Variants in ADRA1D observed in about 807,000 individuals in gnomAD.
The protein encoded by ADRA1D is alpha-1D adrenergic receptor.
Under a neutral mutation model 18.6 loss-of-function variants are expected in ADRA1D, and 22 were observed. The observed-to-expected ratio is 1.19, with a 90% CI of 0.85 to 1.69. The LOEUF is 1.69. Among genes scored for constraint, ADRA1D ranks in the 40% most tolerant of loss-of-function variants. The probability of loss-of-function intolerance (pLI) is 0.00; values close to 1 mark genes in which losing one functional copy is unlikely to be tolerated. For missense variants in ADRA1D, 840 were observed against 840.7 expected, an observed-to-expected ratio of 1.00 and a Z score of 0.01; for synonymous variants, 376 against 388.2, an observed-to-expected ratio of 0.97 and a Z score of 0.37.
chr20:4,223,121 T>C (rs961839374), intron 1 of ADRA1D, among the ~76,000 whole-genome samples: 2 of 151,330 alleles, frequency 1.3e-5, no homozygotes, highest in African/African-American at 2.4e-5. Context: ...ACCCACAGAG[T>C]CAATTTATTT....
In ADRA1D at chr20:4,239,123, G is replaced by C. The variant is rs543433210; in HGVS notation, c.1111+8724C>G. On this transcript the variant is annotated intron_variant, in intron 1 of 1. Coordinates refer to ENST00000379453, the MANE Select transcript of ADRA1D (RefSeq NM_000678.4). The surrounding 1 kb of genome is among the most constrained non-coding windows in gnomAD (Gnocchi z 4.9). Reference sequence around the variant, plus strand: ...CCAGGGCATAGGCCTTGGAGGAGGGGAGGAGGGGAAGGTCATTGTAGTCTC... The same window carrying C: ...CCAGGGCATAGGCCTTGGAGGAGGGCAGGAGGGGAAGGTCATTGTAGTCTC... Among the ~76,000 whole-genome samples, 18 of 152,136 alleles carry C rather than the reference G, an allele frequency of 1.2e-4. No individual in the cohort carries two copies. Among genetic ancestry groups the C allele is most frequent in the Non-Finnish European group, 2.1e-4 (14 of 68,026 alleles).
At chr20:4,246,157 G>A (rs1222000037) in intron 1 of ADRA1D, among the ~76,000 whole-genome samples, 1 of 152,146 alleles carries the variant, frequency 6.6e-6, no homozygotes, top group East Asian at 1.9e-4. Context: ...GCTCTCTTTT[G>A]CTCCCCACAT....
rs755317160 is a variant in ADRA1D, at chr20:4,222,175, G to A, written c.1112-45C>T. On this transcript the variant is annotated intron_variant, in intron 1 of 1. Coordinates refer to ENST00000379453, the MANE Select transcript of ADRA1D (RefSeq NM_000678.4). The surrounding 1 kb of genome is among the most constrained non-coding windows in gnomAD (Gnocchi z 4.3). ...ATACTATTTAGCTGCTTGGGGAGGG[G>A]GAGGCCAGGCGGCTCTGGGCGCAAA... 5 of 1,587,010 alleles carry A rather than the reference G, an allele frequency of 3.2e-6. No individual in the cohort carries two copies. The Admixed American group carries it at 6.9e-5, about 22-fold the overall frequency.
chr20:4,241,140 G>A (rs940026544), intron 1 of ADRA1D, among the ~76,000 whole-genome samples: 6 of 152,238 alleles, frequency 3.9e-5, no homozygotes, highest in African/African-American at 1.4e-4. Flanking sequence ...AGCGAAATAA[G>A]CCAGTCACAG....
At chr20:4,235,651 T>A (rs1257890296) in intron 1 of ADRA1D, among the ~76,000 whole-genome samples, 1 of 152,248 alleles carries the variant, frequency 6.6e-6, no homozygotes, top group Non-Finnish European at 1.5e-5. Context: ...GCAGCACTAA[T>A]ACCCGGGGAG....
In ADRA1D at chr20:4,241,930, CGT is replaced by C. The variant is rs1209858626; in HGVS notation, c.1111+5915_1111+5916del. ...CATGTAGACAGTCAAATTTAGAAAG[CGT>C]GTGTATCTGAAGCACACAGCACAGC... On this transcript the variant is annotated intron_variant, in intron 1 of 1. Coordinates refer to ENST00000379453, the MANE Select transcript of ADRA1D (RefSeq NM_000678.4). Among the ~76,000 whole-genome samples the C allele has an allele frequency of 4.1e-5, 6 of 145,824 alleles. No homozygotes were observed. The East Asian group carries it at 9.9e-4, about 24-fold the overall frequency.
intron 1 of ADRA1D, among the ~76,000 whole-genome samples, chr20:4,231,064 T>TTCTTTCTTTCTTTCTTTCTTTCTTTC (rs1491147056): frequency 2.0e-5 from 2 of 98,016 alleles, no homozygotes; most frequent in East Asian, 3.2e-4. Context: ...CTTTCTTTCT[T>TTCTTTCTTTCTTTCTTTCTTTCTTTC]TCTCTCTCTC....
At chr20:4,243,618 A>C (rs1981268499) in intron 1 of ADRA1D, among the ~76,000 whole-genome samples, 1 of 152,084 alleles carries the variant, frequency 6.6e-6, no homozygotes, top group African/African-American at 2.4e-5. Context: ...CTGGGTCACT[A>C]TGCACGGAGC....
At chr20:4,230,163 C>T (rs374838325) in intron 1 of ADRA1D, among the ~76,000 whole-genome samples, 5 of 152,344 alleles carry the variant, frequency 3.3e-5, no homozygotes, top group South Asian at 2.1e-4. Flanking sequence ...CCTGTGCTCC[C>T]TGTCTGGCTC....
At position 4,221,340 on chromosome 20, in the gene ADRA1D, C is replaced by CT. The variant is rs1312135181; in HGVS notation, c.*182dup. On this transcript the variant is annotated 3_prime_UTR_variant, in exon 2 of 2. Coordinates refer to ENST00000379453, the MANE Select transcript of ADRA1D (RefSeq NM_000678.4). ...CTGAGTCCAGCAGGGGGCCCCACTA[C>CT]TTTTCACCTTTCAAGGGCTCCAGCC... 6 of 658,206 alleles carry CT rather than the reference C, an allele frequency of 9.1e-6. No homozygotes were observed. The South Asian group carries it at 1.7e-4, about 19-fold the overall frequency. 40.8% of individuals were successfully genotyped at this position (658,206 alleles called of 1,614,324 possible).
Position 4,221,146 on chromosome 20 carries a change from G to A in ADRA1D, c.*377C>T, listed in dbSNP as rs144316429. On this transcript the variant is annotated 3_prime_UTR_variant, in exon 2 of 2. Coordinates refer to ENST00000379453, the MANE Select transcript of ADRA1D (RefSeq NM_000678.4). ...ACTGGGGTAGCCGGCCAAAGCTTCTGTGCCTATTTCCCAGAAGAGGAGGGG... is the reference window on the plus strand; with the variant it reads ...ACTGGGGTAGCCGGCCAAAGCTTCTATGCCTATTTCCCAGAAGAGGAGGGG... 5.8e-6 allele frequency: 1 copy of A among 171,954 alleles called. No homozygotes were observed. Among genetic ancestry groups the A allele is most frequent in the African/African-American group, 2.4e-5 (1 of 42,392 alleles). The allele number at this position is 171,954 out of a possible 1,614,324, so 10.7% of individuals were successfully genotyped here.
chr20:4,238,720 T>G (rs771314728), intron 1 of ADRA1D, among the ~76,000 whole-genome samples: 5 of 152,190 alleles, frequency 3.3e-5, no homozygotes, highest in Non-Finnish European at 7.3e-5. Flanking sequence ...CTCTTTGGAA[T>G]ATTTACACCA....
intron 1 of ADRA1D, among the ~76,000 whole-genome samples, chr20:4,231,038 T>TTCTCTTTCTTTCTTTCTTTCTTTC (rs71332805): frequency 3.7e-5 from 4 of 108,524 alleles, no homozygotes; most frequent in East Asian, 7.7e-4. Context: ...CTTTCTTTCT[T>TTCTCTTTCTTTCTTTCTTTCTTTC]TTTCTTTCTT....
Position 4,222,229 on chromosome 20 carries a change from G to A in ADRA1D, c.1112-99C>T, listed in dbSNP as rs1432941361. 1 of 1,486,384 alleles carries A rather than the reference G, an allele frequency of 6.7e-7. No homozygotes were observed. The highest frequency in any genetic ancestry group is 1.5e-5 in the African/African-American group (1 of 68,870). The allele number at this position is 1,486,384 out of a possible 1,614,324, so 92.1% of individuals were successfully genotyped here. On this transcript the variant is annotated intron_variant, in intron 1 of 1. Transcript: ENST00000379453. The surrounding 1 kb of genome is among the most constrained non-coding windows in gnomAD (Gnocchi z 4.3). ...GAGACCCTTCAGTAGCCTTGGCTGA[G>A]TCATTGACTAGGAGTTCTCAAGGGA...
intron 1 of ADRA1D, among the ~76,000 whole-genome samples, chr20:4,227,950 C>A (rs1331131820): frequency 6.6e-6 from 1 of 152,102 alleles, no homozygotes; most frequent in Non-Finnish European, 1.5e-5. Flanking sequence ...CTGCCTTGTG[C>A]CCGCCCCCGG....
At chr20:4,236,263 G>T (rs187086111) in intron 1 of ADRA1D, among the ~76,000 whole-genome samples, 2 of 152,208 alleles carry the variant, frequency 1.3e-5, no homozygotes, top group African/African-American at 4.8e-5. Context: ...TGTAAATGGG[G>T]CTGCTAATAG....
rs971338031 is a variant in ADRA1D, at chr20:4,220,707, T to A, written c.*816A>T. The A allele has an allele frequency of 2.0e-5, 3 of 152,668 alleles. No homozygotes were observed. The highest frequency in any genetic ancestry group is 2.9e-5 in the Non-Finnish European group (2 of 68,032). 9.5% of individuals were successfully genotyped at this position (152,668 alleles called of 1,614,324 possible). ...TTTAGGGGAAAAAGTATTTTTTTTTTAATGGGTTATGGGCTAAAGAGGGAC... is the reference window on the plus strand; with the variant it reads ...TTTAGGGGAAAAAGTATTTTTTTTTAAATGGGTTATGGGCTAAAGAGGGAC... On this transcript the variant is annotated 3_prime_UTR_variant, in exon 2 of 2. Transcript: ENST00000379453.
intron 1 of ADRA1D, among the ~76,000 whole-genome samples, chr20:4,225,690 A>G (rs1197524124): frequency 6.6e-6 from 1 of 152,042 alleles, no homozygotes; most frequent in African/African-American, 2.4e-5. Context: ...TGCTGGGATT[A>G]CAGGTGTGAG....
At chr20:4,231,041 T>TTCTTTCTTTCTTTCTTTCTTC (rs1568764577) in intron 1 of ADRA1D, among the ~76,000 whole-genome samples, 18 of 38,928 alleles carry the variant, frequency 4.6e-4, no homozygotes, top group African/African-American at 4.3e-3. Context: ...TCTTTCTTTT[T>TTCTTTCTTTCTTTCTTTCTTC]CTTTCTTTCT....
Sources: allele counts gnomAD v4.1 joint callset (sites outside exome capture counted in the v4.1 genomes callset), GRCh38; gene constraint gnomAD v4.1.1; non-coding constraint Gnocchi (gnomAD v3.1); transcripts MANE v1.5; gene names NCBI Gene and HGNC (gene_info 2026-07-23, HGNC 2026-07-21).